Variants in USP31 observed in about 807,000 individuals in gnomAD.
USP31 encodes ubiquitin carboxyl-terminal hydrolase 31.
A neutral mutation model predicts 119.4 loss-of-function variants in USP31; 44 were observed. The observed-to-expected ratio is 0.37, with a 90% CI of 0.29 to 0.47. USP31 has a LOEUF of 0.47. Ranked by LOEUF, USP31 falls within the 20% of genes least tolerant of loss-of-function variation. The pLI, the probability that USP31 is intolerant of heterozygous loss-of-function variation, is 0.99. For synonymous variants in USP31, 749 were observed against 705.6 expected (o/e 1.06, Z -0.97); for missense variants, 1,643 against 1,730.2 (o/e 0.95, Z 0.89).
At chr16:23,107,446 C>T (rs1311669675) in intron 2 of USP31, among the ~76,000 whole-genome samples, 1 of 152,172 alleles carries the variant, frequency 6.6e-6, no homozygotes, top group East Asian at 1.9e-4. Context: ...ACTTACCAAA[C>T]TTAGAAATTT....
At chr16:23,082,683 T>C in intron 11 of USP31, 126 bp from the exon 12 acceptor site, 1 of 1,295,238 alleles carries the variant, frequency 7.7e-7, no homozygotes, top group Non-Finnish European at 1.1e-6. Flanking sequence ...ATGCTGGGCA[T>C]CAATGGAATA....
chr16:23,102,507 G>A (rs1018597271), intron 5 of USP31, 44 bp from the exon 6 acceptor site: 13 of 1,577,808 alleles, frequency 8.2e-6, no homozygotes, highest in African/African-American at 2.7e-5. Flanking sequence ...CTGGAAATTC[G>A]ATACTAATTG....
At chr16:23,082,641 G>C (rs1339410430) in intron 11 of USP31, 84 bp from the exon 12 acceptor site, 1 of 1,567,542 alleles carries the variant, frequency 6.4e-7, no homozygotes, top group East Asian at 2.3e-5. Context: ...GCCAGGGCAT[G>C]GTGCAACTCA....
intron 1 of USP31, among the ~76,000 whole-genome samples, chr16:23,139,453 C>T: frequency 6.6e-6 from 1 of 152,202 alleles, no homozygotes; most frequent in East Asian, 1.9e-4. Context: ...TTCTGCAGCT[C>T]TACGCTGTAT....
intron 1 of USP31, among the ~76,000 whole-genome samples, chr16:23,132,997 CAAAGA>C (rs1317764785): frequency 1.3e-5 from 2 of 152,098 alleles, no homozygotes; most frequent in African/African-American, 2.4e-5. Context: ...CAGCAAGAGA[CAAAGA>C]AAAGAAAGTA....
chr16:23,068,102 T>C lies in USP31; in HGVS notation c.4003A>G (p.Lys1335Glu), dbSNP rs765052763. The C allele has an allele frequency of 3.7e-6, 6 of 1,614,194 alleles. No individual in the cohort carries two copies. Among genetic ancestry groups the C allele is most frequent in the East Asian group, 4.5e-5 (2 of 44,884 alleles). Residue 1335 changes from lysine to glutamate, a missense_variant, in exon 16 of 16, where the codon AAA becomes GAA. Around this residue, in one of 5 missense-constraint regions of USP31, gnomAD observed 699 missense variants for 650.9 expected, o/e 1.07. Coordinates refer to ENST00000219689, the MANE Select transcript of USP31 (RefSeq NM_020718.4). Reference sequence around the variant, plus strand: ...GTTTGCATGCTAGAAGATAACTTTTTTGAGGATTTCTCTGCAGACTGCCTG... The same window carrying C: ...GTTTGCATGCTAGAAGATAACTTTTCTGAGGATTTCTCTGCAGACTGCCTG... Reference protein sequence around the residue: ...GGRQSAEKSSKKLSSSMQTSA... With the variant: ...GGRQSAEKSSEKLSSSMQTSA...
At chr16:23,072,915 C>T (rs142320734) in intron 14 of USP31, among the ~76,000 whole-genome samples, 2 of 151,836 alleles carry the variant, frequency 1.3e-5, no homozygotes, top group East Asian at 1.9e-4. Flanking sequence ...CCCAGCAGGG[C>T]GTCATTCTGC....
chr16:23,130,962 A>T (rs1903011920), intron 1 of USP31, among the ~76,000 whole-genome samples: 1 of 152,164 alleles, frequency 6.6e-6, no homozygotes, highest in Non-Finnish European at 1.5e-5. Flanking sequence ...TTAATTAAAG[A>T]TCTTAACGGA....
At chr16:23,076,073 A>T (rs1900558102) in intron 13 of USP31, among the ~76,000 whole-genome samples, 1 of 152,184 alleles carries the variant, frequency 6.6e-6, no homozygotes, top group Non-Finnish European at 1.5e-5. Flanking sequence ...TGACAAAGTG[A>T]GACCCTGTCT....
chr16:23,094,055 G>A (rs746059207), intron 6 of USP31, among the ~76,000 whole-genome samples: 9 of 152,144 alleles, frequency 5.9e-5, no homozygotes, highest in African/African-American at 9.7e-5. Flanking sequence ...CGCCTCACCC[G>A]GGAAGCTCAA....
In USP31 at chr16:23,148,958, G is replaced by GCGGCGTGGGCGCGGCGGC. The variant is rs1903622977; in HGVS notation, c.295_312dup (p.Ala99_Pro104dup). On this transcript the variant is annotated inframe_insertion, in exon 1 of 16. Transcript: ENST00000219689. ...GAGGCGGGCGGCGGCGGGCACGGCG[G>GCGGCGTGGGCGCGGCGGC]CGGCGTGGGCGCGGCGGCCGGCCCG... is the stretch of plus-strand genomic sequence containing the variant. The GCGGCGTGGGCGCGGCGGC allele has an allele frequency of 9.8e-7, 1 of 1,017,852 alleles. No individual in the cohort carries two copies. The highest frequency in any genetic ancestry group is 1.7e-5 in the African/African-American group (1 of 57,340). The allele number at this position is 1,017,852 out of a possible 1,614,324, so 63.1% of individuals were successfully genotyped here. A position where few individuals can be genotyped will look rare whatever the true frequency, so the allele number is the denominator to read the frequency against.
Position 23,149,168 on chromosome 16 carries a change from C to A in USP31, c.103G>T (p.Gly35Cys). The A allele has an allele frequency of 8.6e-7, 1 of 1,167,030 alleles. No homozygotes were observed. The highest frequency in any genetic ancestry group is 1.1e-6 in the Non-Finnish European group (1 of 942,728). 72.3% of individuals were successfully genotyped at this position (1,167,030 alleles called of 1,614,324 possible). Residue 35 changes from glycine (G) to cysteine (C), a missense_variant, in exon 1 of 16, where the codon GGC (glycine) becomes TGC (cysteine). Gly to Cys is a radical substitution (Grantham distance 159, BLOSUM62 -3). This residue lies in a region of USP31 where 302 missense variants were observed against 262.6 expected (regional missense o/e 1.15). Transcript: ENST00000219689. ...KRLFRSGRAGGGGAGGPGASG... is the reference protein window; with the variant it reads ...KRLFRSGRAGCGGAGGPGASG... Reference sequence around the variant, plus strand: ...GCCCCGGGGCCCCCCGCGCCGCCGCCGCCAGCGCGGCCGCTCCGAAACAGC... The same window carrying A: ...GCCCCGGGGCCCCCCGCGCCGCCGCAGCCAGCGCGGCCGCTCCGAAACAGC...
In USP31 at chr16:23,062,770, C is replaced by G. The variant is rs1320560505; in HGVS notation, c.*5276G>C. On this transcript the variant is annotated 3_prime_UTR_variant, in exon 16 of 16. Transcript: ENST00000219689. ...TAGGCCATTCACAACATGGTCCAAG[C>G]TCCCCAACTGGGCCTTGAATCAGAA... 1 of 152,632 alleles carries G rather than the reference C, an allele frequency of 6.6e-6. No homozygotes were observed. The highest frequency in any genetic ancestry group is 1.5e-5 in the Non-Finnish European group (1 of 68,046). 9.5% of individuals were successfully genotyped at this position (152,632 alleles called of 1,614,324 possible). A position where few individuals can be genotyped will look rare whatever the true frequency, so the allele number is the denominator to read the frequency against.
In USP31 at chr16:23,067,006, T is replaced by C. The variant is rs1342846137; in HGVS notation, c.*1040A>G. On this transcript the variant is annotated 3_prime_UTR_variant, in exon 16 of 16. Transcript: ENST00000219689. ...TGGCTTTTGGCAGAAGGCAACTTCT[T>C]TCCTCTCCAAGCTACAAGATGAGGG... The C allele has an allele frequency of 6.6e-6, 1 of 152,224 alleles. No homozygotes were observed. The highest frequency in any genetic ancestry group is 6.5e-5 in the Admixed American group (1 of 15,280). 9.4% of individuals were successfully genotyped at this position (152,224 alleles called of 1,614,324 possible).
intron 1 of USP31, among the ~76,000 whole-genome samples, chr16:23,108,633 A>C (rs1044541708): frequency 2.6e-5 from 4 of 152,238 alleles, no homozygotes; most frequent in Non-Finnish European, 5.9e-5. Context: ...AGTAGTGTGA[A>C]ATGTGAATGT....
chr16:23,073,896 C>T lies in USP31; in HGVS notation c.2177-16G>A, dbSNP rs996787605. The stretch of plus-strand genomic sequence containing the variant: ...TTACAGTACGCTGCCAAAGAGAGCC[C>T]GCCATCAGCACCAGGGGAGGCTGCA... On this transcript the variant is annotated splice_polypyrimidine_tract_variant and intron_variant, in intron 13 of 15. Coordinates refer to ENST00000219689, the MANE Select transcript of USP31 (RefSeq NM_020718.4). 20 of 1,613,386 alleles carry T rather than the reference C, an allele frequency of 1.2e-5. No homozygotes were observed. The highest frequency in any genetic ancestry group is 1.6e-5 in the Non-Finnish European group (19 of 1,179,958).
chr16:23,082,823 T>TTCTC (rs1250637291), intron 11 of USP31, among the ~76,000 whole-genome samples: 1 of 142,266 alleles, frequency 7.0e-6, no homozygotes, highest in South Asian at 2.3e-4. Flanking sequence ...GTTACTTTCT[T>TTCTC]TCTCTCTCTT....
intron 1 of USP31, among the ~76,000 whole-genome samples, chr16:23,136,173 C>G (rs967520758): frequency 6.6e-6 from 1 of 151,982 alleles, no homozygotes; most frequent in African/African-American, 2.4e-5. Flanking sequence ...AAAGTTGGAC[C>G]CTTACCAAAA....
rs1348060570 is a variant in USP31, at chr16:23,061,908, C to T, written c.*6138G>A. 1 of 152,608 alleles carries T rather than the reference C, an allele frequency of 6.6e-6. No homozygotes were observed. Among genetic ancestry groups the T allele is most frequent in the East Asian group, 1.9e-4 (1 of 5,204 alleles). The allele number at this position is 152,608 out of a possible 1,614,324, so 9.5% of individuals were successfully genotyped here. A position where few individuals can be genotyped will look rare whatever the true frequency, so the allele number is the denominator to read the frequency against. On this transcript the variant is annotated 3_prime_UTR_variant, in exon 16 of 16. Transcript: ENST00000219689. ...GTGAGAGGCACAGTTGGTGAGCAGA[C>T]CTCTATGGAATGCAAACACGTATTT...
Sources: gnomAD v4.1 joint callset for allele counts (sites outside exome capture counted in the v4.1 genomes callset) on GRCh38, gnomAD v4.1.1 for gene constraint, gnomAD v4.1.1 regional missense constraint, MANE v1.5 for transcripts, NCBI Gene and HGNC (gene_info 2026-07-23, HGNC 2026-07-21) for gene names.